The following PKNOX2 variants were observed in gnomAD, a reference collection of about 807,000 sequenced individuals.
The protein encoded by PKNOX2 is PBX/knotted 1 homeobox 2.
A neutral mutation model predicts 53.1 loss-of-function variants in PKNOX2; 14 were observed. The observed-to-expected ratio is 0.26, with a 90% CI of 0.17 to 0.41. PKNOX2 has a LOEUF of 0.41. PKNOX2 is among the 10% of genes least tolerant of loss of function. The probability of loss-of-function intolerance (pLI) is 1.00; values close to 1 mark genes in which losing one functional copy is unlikely to be tolerated. For missense variants in PKNOX2, 496 were observed against 602.8 expected (o/e 0.82, Z 1.85); for synonymous variants, 257 against 242.8 (o/e 1.06, Z -0.54).
At chr11:125,201,384 A>G (rs900194799) in intron 1 of PKNOX2, among the ~76,000 whole-genome samples, 2 of 77,218 alleles carry the variant, frequency 2.6e-5, no homozygotes, top group Non-Finnish European at 6.0e-5. Flanking sequence ...CTTCCTTGGT[A>G]GAAAAAAAAA....
intron 6 of PKNOX2, among the ~76,000 whole-genome samples, chr11:125,387,719 G>T (rs1953748468): frequency 6.6e-6 from 1 of 152,208 alleles, no homozygotes; most frequent in South Asian, 2.1e-4. Flanking sequence ...ACTGGGCTGG[G>T]AGTGTCCAGC....
chr11:125,270,258 C>G (rs531033719), intron 2 of PKNOX2, among the ~76,000 whole-genome samples: 12 of 152,206 alleles, frequency 7.9e-5, no homozygotes, highest in Non-Finnish European at 1.5e-4. Flanking sequence ...TCCTACAAAC[C>G]GAATGACTGG....
At position 125,208,154 on chromosome 11, in the gene PKNOX2, G is replaced by A. The variant is rs182627597; in HGVS notation, c.-200-26891G>A. Among the ~76,000 whole-genome samples the A allele has an allele frequency of 2.6e-5, 4 of 152,196 alleles. No individual in the cohort carries two copies. In the East Asian group the frequency reaches 7.7e-4, roughly 29 times the overall value. On this transcript the variant is annotated intron_variant, in intron 1 of 12. Transcript: ENST00000298282. ...GAATCACTTTTGAGCTGGGCTTGAA[G>A]GAGGAGTAGAGTTCTAATAGGCATC...
intron 10 of PKNOX2, among the ~76,000 whole-genome samples, chr11:125,418,634 G>A (rs940467959): frequency 6.6e-6 from 1 of 151,974 alleles, no homozygotes. Flanking sequence ...GTTGCCTTTG[G>A]TCACTCCACA....
At chr11:125,367,490 G>A (rs1952251558) in intron 4 of PKNOX2, among the ~76,000 whole-genome samples, 2 of 152,188 alleles carry the variant, frequency 1.3e-5, no homozygotes, top group Admixed American at 1.3e-4. Flanking sequence ...TCAACGCTAT[G>A]ATGGGCCAAA....
intron 12 of PKNOX2, 101 bp from the exon 13 acceptor site, chr11:125,431,065 T>C: frequency 1.3e-6 from 2 of 1,482,398 alleles, no homozygotes; most frequent in South Asian, 2.7e-5. Flanking sequence ...AACAAGGAGT[T>C]CACTGCTCTA....
intron 2 of PKNOX2, among the ~76,000 whole-genome samples, chr11:125,296,627 C>CTTAT (rs1310794685): frequency 2.0e-5 from 3 of 152,132 alleles, no homozygotes; most frequent in South Asian, 4.2e-4. Context: ...TATGCAGGTA[C>CTTAT]TTATTTATTT....
At chr11:125,310,158 A>G (rs1306837791) in intron 2 of PKNOX2, among the ~76,000 whole-genome samples, 1 of 152,210 alleles carries the variant, frequency 6.6e-6, no homozygotes, top group African/African-American at 2.4e-5. Context: ...ACTGTTTTTC[A>G]GTGAAGCCAT....
chr11:125,345,024 G>A (rs1950896529), intron 3 of PKNOX2, among the ~76,000 whole-genome samples: 1 of 152,070 alleles, frequency 6.6e-6, no homozygotes, highest in Non-Finnish European at 1.5e-5. Flanking sequence ...CAGCAGACTG[G>A]AGGATCTCCA....
At chr11:125,193,077 G>A (rs751808071) in intron 1 of PKNOX2, among the ~76,000 whole-genome samples, 2 of 152,204 alleles carry the variant, frequency 1.3e-5, no homozygotes, top group South Asian at 2.1e-4. Flanking sequence ...TTTGAGGGAC[G>A]ACCTGTCTCG....
intron 2 of PKNOX2, among the ~76,000 whole-genome samples, chr11:125,272,890 G>C (rs1002442640): frequency 1.3e-5 from 2 of 152,228 alleles, no homozygotes; most frequent in Non-Finnish European, 2.9e-5. Context: ...GGCAGTGACA[G>C]AAGCAGCATT....
At chr11:125,202,230 GC>G (rs1565468147) in intron 1 of PKNOX2, among the ~76,000 whole-genome samples, 1 of 152,204 alleles carries the variant, frequency 6.6e-6, no homozygotes, top group African/African-American at 2.4e-5. Context: ...CCATCTCGCT[GC>G]AGACATGCTG....
Position 125,429,058 on chromosome 11 carries a change from C to T in PKNOX2, c.983C>T (p.Thr328Ile), listed in dbSNP as rs747486909. 1 of 1,613,780 alleles carries T rather than the reference C, an allele frequency of 6.2e-7. No homozygotes were observed. Among genetic ancestry groups the T allele is most frequent in the East Asian group, 2.2e-5 (1 of 44,876 alleles). ...EDEKRQIAAQ[T>I]NLTLLQVNNW... Reference sequence around the variant, plus strand: ...GAGAAGAGGCAGATCGCAGCCCAGACCAACCTCACCCTCCTGCAAGTAAAC... The same window carrying T: ...GAGAAGAGGCAGATCGCAGCCCAGATCAACCTCACCCTCCTGCAAGTAAAC... The change falls in exon 11 of 13, where the codon ACC (threonine) becomes ATC (isoleucine). Residue 328 changes from threonine to isoleucine, a missense_variant. By Grantham distance (89) the Thr-to-Ile change is moderately conservative (BLOSUM62 -1). This residue lies in a region of PKNOX2 where 36 missense variants were observed against 81.9 expected (regional missense o/e 0.44). Transcript: ENST00000298282.
chr11:125,375,090 A>G (rs1303171643), intron 5 of PKNOX2, among the ~76,000 whole-genome samples: 3 of 152,146 alleles, frequency 2.0e-5, no homozygotes, highest in Admixed American at 1.3e-4. Context: ...GATCCATTTC[A>G]TGGTTGAGTG....
intron 2 of PKNOX2, among the ~76,000 whole-genome samples, chr11:125,277,182 A>C (rs1946228411): frequency 6.6e-6 from 1 of 152,200 alleles, no homozygotes; most frequent in African/African-American, 2.4e-5. Context: ...GTGGTGTGCC[A>C]AAATCTAGGA....
At chr11:125,286,559 G>A (rs1431854477) in intron 2 of PKNOX2, among the ~76,000 whole-genome samples, 5 of 152,174 alleles carry the variant, frequency 3.3e-5, no homozygotes, top group East Asian at 3.9e-4. Context: ...CCACCCCTTC[G>A]CCACCCACTG....
chr11:125,414,399 C>T (rs1005224398), intron 10 of PKNOX2, among the ~76,000 whole-genome samples: 4 of 152,192 alleles, frequency 2.6e-5, no homozygotes, highest in African/African-American at 9.7e-5. Context: ...GCAGAGTCCT[C>T]CCCCAGTTCA....
At chr11:125,172,170 C>T (rs1241086161) in intron 1 of PKNOX2, among the ~76,000 whole-genome samples, 1 of 152,202 alleles carries the variant, frequency 6.6e-6, no homozygotes, top group Non-Finnish European at 1.5e-5. Flanking sequence ...GAAGGAGGAG[C>T]TTAGCCCCCT....
intron 1 of PKNOX2, among the ~76,000 whole-genome samples, chr11:125,172,751 CG>C (rs1371534994): frequency 5.9e-5 from 9 of 152,270 alleles, no homozygotes; most frequent in African/African-American, 1.9e-4. Flanking sequence ...CCACCGCCAC[CG>C]CCACAAATCC....
Sources: allele counts gnomAD v4.1 joint callset (sites outside exome capture counted in the v4.1 genomes callset), GRCh38; gene constraint gnomAD v4.1.1; regional missense constraint gnomAD v4.1.1; transcripts MANE v1.5; gene names NCBI Gene and HGNC (gene_info 2026-07-23, HGNC 2026-07-21).